Variants in MTHFD1L observed in about 807,000 individuals in gnomAD.
MTHFD1L encodes monofunctional C1-tetrahydrofolate synthase, mitochondrial.
MTHFD1L carries 81 observed loss-of-function variants against 119.5 expected under a neutral mutation model. That is an observed-to-expected ratio of 0.68 (90% CI 0.57 to 0.82). The LOEUF (loss-of-function observed/expected upper bound fraction) is 0.82. Among genes scored for constraint, MTHFD1L ranks in the 40% least tolerant of loss-of-function variants. The pLI is 0.00. For missense variants in MTHFD1L, 1,125 were observed against 1,253.4 expected, an observed-to-expected ratio of 0.90 and a Z score of 1.55; for synonymous variants, 430 against 475.2, an observed-to-expected ratio of 0.90 and a Z score of 1.24.
intron 11 of MTHFD1L, among the ~76,000 whole-genome samples, chr6:150,932,249 T>C (rs928225907): frequency 6.7e-6 from 1 of 148,268 alleles, no homozygotes; most frequent in African/African-American, 2.5e-5. Context: ...GTGATAGCGG[T>C]GCAAAGAGGG....
chr6:151,052,355 G>A (rs1789194860), intron 26 of MTHFD1L, among the ~76,000 whole-genome samples: 1 of 152,166 alleles, frequency 6.6e-6, no homozygotes. Context: ...GTGCACTGAG[G>A]TTACCAAGAC....
chr6:150,964,011 CA>C (rs1292928298), intron 18 of MTHFD1L, among the ~76,000 whole-genome samples: 2 of 151,898 alleles, frequency 1.3e-5, no homozygotes, highest in Admixed American at 6.6e-5. Flanking sequence ...GCTAAAAATA[CA>C]AAAAAAATTA....
At chr6:151,009,786 A>T in intron 20 of MTHFD1L, 33 bp from the exon 21 acceptor site, 1 of 1,610,984 alleles carries the variant, frequency 6.2e-7, no homozygotes, top group East Asian at 2.2e-5. Flanking sequence ...TTTTTAGAAG[A>T]TAATAGCACA....
intron 14 of MTHFD1L, 86 bp downstream of exon 14, chr6:150,944,679 G>A: frequency 1.1e-6 from 1 of 937,030 alleles, no homozygotes; most frequent in Non-Finnish European, 1.7e-6. Flanking sequence ...GAATTCTGGT[G>A]TCTGCAAACT....
intron 11 of MTHFD1L, among the ~76,000 whole-genome samples, chr6:150,929,703 A>G (rs1160228796): frequency 1.3e-5 from 2 of 152,216 alleles, no homozygotes; most frequent in Non-Finnish European, 2.9e-5. Flanking sequence ...ATGTATAATC[A>G]AGCTGAAATT....
chr6:151,074,319 C>T (rs1792283838), intron 26 of MTHFD1L, among the ~76,000 whole-genome samples: 1 of 152,082 alleles, frequency 6.6e-6, no homozygotes, highest in South Asian at 2.1e-4. Flanking sequence ...AAATAGTAAC[C>T]GCATGGATAG....
chr6:151,030,738 A>C (rs573011865), intron 24 of MTHFD1L, among the ~76,000 whole-genome samples: 53 of 152,346 alleles, frequency 3.5e-4, no homozygotes, highest in African/African-American at 1.1e-3. Context: ...GAAATATAGA[A>C]ATATTCATTG....
chr6:150,981,526 A>G (rs1262925995), intron 20 of MTHFD1L, among the ~76,000 whole-genome samples: 1 of 152,142 alleles, frequency 6.6e-6, no homozygotes, highest in Non-Finnish European at 1.5e-5. Context: ...TTATATATTA[A>G]TAGATATTAA....
intron 26 of MTHFD1L, among the ~76,000 whole-genome samples, chr6:151,081,440 G>T (rs983284347): frequency 6.6e-6 from 1 of 150,626 alleles, no homozygotes. Flanking sequence ...ATCACCTGAG[G>T]TCAGGAGTTC....
At chr6:150,928,537 C>T (rs1160479469) in intron 11 of MTHFD1L, among the ~76,000 whole-genome samples, 11 of 148,994 alleles carry the variant, frequency 7.4e-5, no homozygotes, top group Admixed American at 1.3e-4. Flanking sequence ...CCTCTTTCTC[C>T]TTCTCTTTGT....
intron 20 of MTHFD1L, among the ~76,000 whole-genome samples, chr6:150,982,700 CTTTTT>C (rs767679868): frequency 1.4e-5 from 2 of 144,536 alleles, no homozygotes; most frequent in Non-Finnish European, 3.0e-5. Context: ...CCTGACACTT[CTTTTT>C]TTTTTTTTTC....
At chr6:151,001,428 G>A (rs938396070) in intron 20 of MTHFD1L, among the ~76,000 whole-genome samples, 1 of 152,200 alleles carries the variant, frequency 6.6e-6, no homozygotes, top group Admixed American at 6.5e-5. Flanking sequence ...TCCAAGGAGG[G>A]TTTTCCCCAG....
chr6:151,097,504 A>G (rs1794977577), intron 27 of MTHFD1L, among the ~76,000 whole-genome samples: 1 of 152,214 alleles, frequency 6.6e-6, no homozygotes, highest in Admixed American at 6.5e-5. Flanking sequence ...GGGCACGGAA[A>G]GACTAATGCT....
intron 17 of MTHFD1L, among the ~76,000 whole-genome samples, chr6:150,957,432 A>G (rs1795805984): frequency 6.6e-6 from 1 of 152,224 alleles, no homozygotes; most frequent in Non-Finnish European, 1.5e-5. Flanking sequence ...GGGAGTAGAA[A>G]TCCTTTTTGG....
intron 8 of MTHFD1L, among the ~76,000 whole-genome samples, chr6:150,906,062 G>A (rs181331518): frequency 6.6e-6 from 1 of 152,106 alleles, no homozygotes; most frequent in South Asian, 2.1e-4. Context: ...TAGAAATAGC[G>A]GTTTTCACAG....
At chr6:150,957,200 A>C (rs972508890) in intron 17 of MTHFD1L, among the ~76,000 whole-genome samples, 1 of 152,220 alleles carries the variant, frequency 6.6e-6, no homozygotes, top group Non-Finnish European at 1.5e-5. Context: ...TATAGTCGTA[A>C]GTGTTCAGTA....
chr6:151,049,625 G>T (rs1232199676), intron 26 of MTHFD1L, among the ~76,000 whole-genome samples: 1 of 148,066 alleles, frequency 6.8e-6, no homozygotes, highest in Non-Finnish European at 1.5e-5. Flanking sequence ...TCCTGCCACT[G>T]CACTCCAGCC....
At chr6:150,872,022 C>T (rs773091709) in intron 1 of MTHFD1L, among the ~76,000 whole-genome samples, 6 of 151,552 alleles carry the variant, frequency 4.0e-5, no homozygotes, top group Admixed American at 6.6e-5. Context: ...GGATTATAGG[C>T]GTGCACCACC....
At chr6:150,906,118 G>A (rs1333016472) in intron 8 of MTHFD1L, among the ~76,000 whole-genome samples, 1 of 152,186 alleles carries the variant, frequency 6.6e-6, no homozygotes, top group Non-Finnish European at 1.5e-5. Flanking sequence ...AAATCTTCGT[G>A]GAATCTCACT....
Sources: allele counts gnomAD v4.1 joint callset (sites outside exome capture counted in the v4.1 genomes callset), GRCh38; gene constraint gnomAD v4.1.1; transcripts MANE v1.5; gene names NCBI Gene and HGNC (gene_info 2026-07-23, HGNC 2026-07-21).